HMCN1: variants seen among roughly 807,000 people sequenced by gnomAD.
HMCN1 encodes the protein hemicentin 1.
HMCN1 carries 321 observed loss-of-function variants against 625.9 expected under a neutral mutation model. That is an observed-to-expected ratio of 0.51 (90% CI 0.47 to 0.56). HMCN1 has a LOEUF of 0.56. HMCN1 is among the 20% of genes least tolerant of loss of function. The probability of loss-of-function intolerance (pLI) is 0.00; values close to 1 mark genes in which losing one functional copy is unlikely to be tolerated. For missense variants in HMCN1, 6,588 were observed against 6,887.3 expected, an observed-to-expected ratio of 0.96 and a Z score of 1.54; for synonymous variants, 2,425 against 2,417.6, an observed-to-expected ratio of 1.00 and a Z score of -0.09.
At chr1:185,799,954 G>A (rs553729979) in intron 1 of HMCN1, among the ~76,000 whole-genome samples, 1 of 152,308 alleles carries the variant, frequency 6.6e-6, no homozygotes, top group African/African-American at 2.4e-5. Flanking sequence ...GTTGGGTTGG[G>A]CACGCCCATA....
chr1:186,153,268 T>G (rs751887911), intron 96 of HMCN1, among the ~76,000 whole-genome samples: 27 of 152,192 alleles, frequency 1.8e-4, no homozygotes, highest in Non-Finnish European at 2.9e-4. Flanking sequence ...AAACTGAAAT[T>G]TATGACAGCA....
rs1025305833 is a variant in HMCN1 at position 186,007,361 on chromosome 1, CTT to C, written c.4630+80_4630+81del. 45 of 1,275,464 alleles carry C rather than the reference CTT, an allele frequency of 3.5e-5. 1 individual carries two copies. The Admixed American group carries it at 5.8e-4, about 16-fold the overall frequency. The allele number at this position is 1,275,464 out of a possible 1,614,324, so 79.0% of individuals were successfully genotyped here. ...AGCAGGGTTTACTGGTAACTACACT[CTT>C]ATTTCATACTGAATAATTTGGAATA... On this transcript the variant is annotated intron_variant, in intron 30 of 106. Coordinates refer to ENST00000271588, the MANE Select transcript of HMCN1 (RefSeq NM_031935.3).
intron 11 of HMCN1, chr1:185,957,141 G>A (rs763368664): frequency 6.6e-6 from 1 of 152,182 alleles, no homozygotes; most frequent in Admixed American, 6.5e-5. Context: ...ATGTCATTAT[G>A]TAAGTACTTT....
intron 106 of HMCN1, 135 bp downstream of exon 106, chr1:186,188,144 T>A: frequency 9.4e-7 from 1 of 1,066,666 alleles, no homozygotes; most frequent in Non-Finnish European, 1.4e-6. Context: ...GGGGTTACAG[T>A]AAGTATTCTC....
chr1:185,846,953 C>T (rs912248151), intron 2 of HMCN1, among the ~76,000 whole-genome samples: 6 of 152,000 alleles, frequency 3.9e-5, no homozygotes, highest in Non-Finnish European at 8.8e-5. Flanking sequence ...CATCTGTTTC[C>T]TCTCTTAGAT....
chr1:185,864,350 C>T, intron 2 of HMCN1, 120 bp from the exon 3 acceptor site: 1 of 903,426 alleles, frequency 1.1e-6, no homozygotes, highest in East Asian at 2.6e-5. Context: ...AAGTGTCAAA[C>T]TGACAGAAAA....
intron 68 of HMCN1, among the ~76,000 whole-genome samples, chr1:186,098,940 C>T (rs577673483): frequency 7.9e-5 from 12 of 152,154 alleles, no homozygotes; most frequent in African/African-American, 2.9e-4. Context: ...GAAAATACCA[C>T]ATGATTTCAT....
rs200151386 is a variant in HMCN1, at chr1:186,012,176, A to AT, written c.4631-2975dup. On this transcript the variant is annotated intron_variant, in intron 30 of 106. Transcript: ENST00000271588. Reference sequence around the variant, plus strand: ...CGAATAATACAATGAAAAAACATAGATTTTTTTTAACACTTTACATTGTAA... The same window carrying AT: ...CGAATAATACAATGAAAAAACATAGATTTTTTTTTAACACTTTACATTGTAA... Among the ~76,000 whole-genome samples the AT allele has an allele frequency of 3.7e-3, 560 of 151,246 alleles. 7 individuals are homozygous for AT. Among genetic ancestry groups the AT allele is most frequent in the African/African-American group, 0.012 (508 of 41,034 alleles).
chr1:185,918,793 T>C (rs983049355), intron 6 of HMCN1, among the ~76,000 whole-genome samples: 2 of 152,082 alleles, frequency 1.3e-5, no homozygotes, highest in African/African-American at 2.4e-5. Context: ...ACACAACTCT[T>C]CCTAGCTCAG....
intron 2 of HMCN1, among the ~76,000 whole-genome samples, chr1:185,859,021 GT>G (rs1558020443): frequency 0.012 from 61 of 5,088 alleles, no homozygotes; most frequent in South Asian, 0.027. Flanking sequence ...GGTTAAAGAT[GT>G]GTGTGTGTGT....
intron 2 of HMCN1, among the ~76,000 whole-genome samples, chr1:185,854,738 A>G (rs1228140450): frequency 6.6e-6 from 1 of 152,158 alleles, no homozygotes; most frequent in Non-Finnish European, 1.5e-5. Flanking sequence ...ACTACTAAAA[A>G]CAATGTAAAA....
intron 97 of HMCN1, among the ~76,000 whole-genome samples, chr1:186,160,128 T>C (rs1651341388): frequency 6.6e-6 from 1 of 151,762 alleles, no homozygotes; most frequent in Non-Finnish European, 1.5e-5. Context: ...AGAGTTCAAC[T>C]TCTTCCTGGT....
chr1:185,989,005 C>CTTTTTT (rs569764243), intron 20 of HMCN1, among the ~76,000 whole-genome samples: 1 of 117,576 alleles, frequency 8.5e-6, no homozygotes, highest in Non-Finnish European at 1.7e-5. Context: ...ACTTTTAGTA[C>CTTTTTT]TTTTTTTTTT....
chr1:185,749,542 A>G (rs1654652200), intron 1 of HMCN1, among the ~76,000 whole-genome samples: 1 of 152,150 alleles, frequency 6.6e-6, no homozygotes, highest in African/African-American at 2.4e-5. Context: ...CCATCTCAGT[A>G]CAGGCACCAC....
rs1650726747 is a variant in HMCN1, at chr1:185,970,378, T to C, written c.2256T>C (p.Pro752=). 1 of 1,613,710 alleles carries C rather than the reference T, an allele frequency of 6.2e-7. No homozygotes were observed. The highest frequency in any genetic ancestry group is 1.7e-5 in the Admixed American group (1 of 59,996). ...CCTCAACATTCCTCATTATTGACCC[T>C]CTCTTGGGACTTTTGAAGATTCAAG... is the stretch of plus-strand genomic sequence containing the variant. ...LRPSTFLIID[P]LLGLLKIQET... is the part of the protein sequence containing the mutation. The change falls in exon 15 of 107, where the codon CCT becomes CCC. Residue 752 remains proline, a synonymous_variant. Transcript: ENST00000271588.
At position 186,190,532 on chromosome 1, in the gene HMCN1, GATAATA is replaced by G. The variant is rs886045695; in HGVS notation, c.*662_*667del. ...TTGTGAGATCAGCTGAACCACTTAT[GATAATA>G]ATAATAAAAAAGACTGCTTTGCCCT... On this transcript the variant is annotated 3_prime_UTR_variant, in exon 107 of 107. Transcript: ENST00000271588. 9.9e-6 allele frequency: 2 copies of G among 201,970 alleles called. No individual in the cohort carries two copies. Among genetic ancestry groups the G allele is most frequent in the African/African-American group, 2.3e-5 (1 of 43,540 alleles). The allele number at this position is 201,970 out of a possible 1,614,324, so 12.5% of individuals were successfully genotyped here.
intron 11 of HMCN1, among the ~76,000 whole-genome samples, chr1:185,954,782 C>T (rs10911788): frequency 0.059 from 8,992 of 152,108 alleles, 650 homozygotes; most frequent in African/African-American, 0.17. Flanking sequence ...TCTCTCTCTA[C>T]TCTCTTTTCC....
intron 4 of HMCN1, among the ~76,000 whole-genome samples, chr1:185,886,017 A>G (rs7547368): frequency 0.15 from 22,703 of 152,024 alleles, 5,534 homozygotes; most frequent in African/African-American, 0.51. Flanking sequence ...TAAAAAAAGT[A>G]TCTAAATGCT....
At chr1:185,824,439 A>G (rs1660384681) in intron 1 of HMCN1, among the ~76,000 whole-genome samples, 1 of 152,176 alleles carries the variant, frequency 6.6e-6, no homozygotes, top group Admixed American at 6.6e-5. Context: ...GGGTCAGAGA[A>G]TTCTCAAATT....
Sources: allele counts gnomAD v4.1 joint callset (sites outside exome capture counted in the v4.1 genomes callset), GRCh38; gene constraint gnomAD v4.1.1; transcripts MANE v1.5; gene names NCBI Gene and HGNC (gene_info 2026-07-23, HGNC 2026-07-21).